Variants in FAM184A observed in about 807,000 individuals in gnomAD.
The protein encoded by FAM184A is family with sequence similarity 184 member A.
FAM184A carries 99 observed loss-of-function variants against 143.8 expected under a neutral mutation model. The observed-to-expected ratio is 0.69, with a 90% CI of 0.58 to 0.81. FAM184A has a LOEUF of 0.81. Ranked by LOEUF, FAM184A falls within the 40% of genes least tolerant of loss-of-function variation. The pLI is 0.00. For synonymous variants in FAM184A, 427 were observed against 446.4 expected (o/e 0.96, Z 0.55); for missense variants, 1,217 against 1,310.5 (o/e 0.93, Z 1.10).
intron 1 of FAM184A, among the ~76,000 whole-genome samples, chr6:119,122,887 TG>T (rs1056624419): frequency 5.4e-5 from 6 of 110,974 alleles, no homozygotes; most frequent in African/African-American, 1.9e-4. Context: ...ATCATGCCAC[TG>T]TACTCCAGCC....
chr6:119,109,648 C>T (rs2114846134), intron 1 of FAM184A, among the ~76,000 whole-genome samples: 1 of 152,318 alleles, frequency 6.6e-6, no homozygotes, highest in South Asian at 2.1e-4. Flanking sequence ...AACATTGTGG[C>T]AAAATCTGAC....
rs572504157 is a variant in FAM184A, at chr6:119,016,765, A to T, written c.1512T>A (p.Asp504Glu). ...TACTCACCATTTGCAGTTTTTTCTT[A>T]TCCCTAATTGCATTACTGTGGACAG... ...IEAVHSNAIRDKKKLQMDLEE... is the reference protein window; with the variant it reads ...IEAVHSNAIREKKKLQMDLEE... The change falls in exon 5 of 18, where the codon GAT (aspartate) becomes GAA (glutamate). Residue 504 changes from aspartate to glutamate, a missense_variant. Asp to Glu is a conservative substitution (Grantham distance 45, BLOSUM62 2). Coordinates refer to ENST00000338891, the MANE Select transcript of FAM184A (RefSeq NM_024581.6). The T allele has an allele frequency of 2.5e-6, 4 of 1,613,552 alleles. No homozygotes were observed. Among genetic ancestry groups the T allele is most frequent in the Non-Finnish European group, 3.4e-6 (4 of 1,179,798 alleles).
intron 9 of FAM184A, among the ~76,000 whole-genome samples, chr6:118,991,681 G>A (rs1582475310): frequency 6.7e-6 from 1 of 149,308 alleles, no homozygotes; most frequent in East Asian, 2.0e-4. Context: ...CTGGCTTAAG[G>A]TTTAGTAGGA....
intron 11 of FAM184A, among the ~76,000 whole-genome samples, chr6:118,979,035 G>A (rs561150008): frequency 1.3e-5 from 2 of 152,262 alleles, no homozygotes; most frequent in South Asian, 4.1e-4. Flanking sequence ...TGCAGTCTAA[G>A]GACATGTGGC....
Position 119,016,795 on chromosome 6 carries a change from A to G in FAM184A, c.1482T>C (p.Ile494=), listed in dbSNP as rs775803650. Residue 494 remains isoleucine, a synonymous_variant, in exon 5 of 18, where the codon ATT becomes ATC. Coordinates refer to ENST00000338891, the MANE Select transcript of FAM184A (RefSeq NM_024581.6). ...EELAWKHHMA[I]EAVHSNAIRD... ...TAATTGCATTACTGTGGACAGCTTC[A>G]ATTGCCATATGGTGCTTCCAAGCTA... 1 of 1,614,130 alleles carries G rather than the reference A, an allele frequency of 6.2e-7. No homozygotes were observed. Among genetic ancestry groups the G allele is most frequent in the Non-Finnish European group, 8.5e-7 (1 of 1,180,008 alleles).
chr6:119,045,585 CAGA>C (rs1028586126), intron 1 of FAM184A, among the ~76,000 whole-genome samples: 10 of 152,034 alleles, frequency 6.6e-5, no homozygotes, highest in Non-Finnish European at 1.5e-4. Flanking sequence ...TTGAAAGAGG[CAGA>C]AGAACAGTGG....
At chr6:118,964,840 A>G in intron 15 of FAM184A, 69 bp from the exon 16 acceptor site, 1 of 781,688 alleles carries the variant, frequency 1.3e-6, no homozygotes, top group East Asian at 2.7e-5. Context: ...TAAATGTATA[A>G]ACGCCATTTC....
chr6:119,117,295 T>G (rs1244277798), intron 1 of FAM184A, among the ~76,000 whole-genome samples: 2 of 152,176 alleles, frequency 1.3e-5, no homozygotes, highest in African/African-American at 2.4e-5. Flanking sequence ...TTGGTGACCA[T>G]GTACATAGTG....
At position 118,980,361 on chromosome 6, in the gene FAM184A, G is replaced by T. The variant is rs768487338; in HGVS notation, c.2089-11C>A. Reference sequence around the variant, plus strand: ...TTTCAGCAAGGAAATCTATGCCCCAGAATGGTACACAATGAAGAATAAATA... The same window carrying T: ...TTTCAGCAAGGAAATCTATGCCCCATAATGGTACACAATGAAGAATAAATA... On this transcript the variant is annotated splice_polypyrimidine_tract_variant and intron_variant, in intron 9 of 17. Transcript: ENST00000338891. 6.2e-7 allele frequency: 1 copy of T among 1,607,614 alleles called. No homozygotes were observed. The highest frequency in any genetic ancestry group is 1.1e-5 in the South Asian group (1 of 90,652).
intron 1 of FAM184A, among the ~76,000 whole-genome samples, chr6:119,087,821 A>G (rs944707371): frequency 6.6e-6 from 1 of 152,228 alleles, no homozygotes; most frequent in African/African-American, 2.4e-5. Flanking sequence ...AGCATTATTC[A>G]CAGAAGCCAA....
At chr6:119,010,220 G>A (rs536429405) in intron 6 of FAM184A, among the ~76,000 whole-genome samples, 12 of 152,246 alleles carry the variant, frequency 7.9e-5, no homozygotes, top group South Asian at 6.2e-4. Flanking sequence ...TCAACAATCC[G>A]TAGTTATCTG....
intron 1 of FAM184A, among the ~76,000 whole-genome samples, chr6:119,127,898 T>C (rs748331434): frequency 8.5e-5 from 13 of 152,222 alleles, no homozygotes; most frequent in Admixed American, 1.3e-4. Context: ...AAACACTGTG[T>C]TAAGCACTGA....
intron 11 of FAM184A, 31 bp downstream of exon 11, chr6:118,979,334 A>G (rs1264459567): frequency 1.3e-6 from 2 of 1,562,164 alleles, no homozygotes; most frequent in Non-Finnish European, 1.7e-6. Context: ...GTACATATGA[A>G]TATGACAAGA....
At chr6:119,118,106 T>C (rs2114857136) in intron 1 of FAM184A, among the ~76,000 whole-genome samples, 1 of 152,242 alleles carries the variant, frequency 6.6e-6, no homozygotes, top group South Asian at 2.1e-4. Flanking sequence ...CCTGCAGTTA[T>C]TAATTAAGCC....
intron 1 of FAM184A, among the ~76,000 whole-genome samples, chr6:119,034,982 C>T (rs1447476181): frequency 6.6e-6 from 1 of 152,108 alleles, no homozygotes; most frequent in Non-Finnish European, 1.5e-5. Flanking sequence ...TAGGAGGGCT[C>T]GCCTGAGTAA....
At position 118,960,770 on chromosome 6, in the gene FAM184A, G is replaced by A. The variant is rs767908902; in HGVS notation, c.3342-586C>T. The A allele has an allele frequency of 1.2e-5, 17 of 1,361,394 alleles. No individual in the cohort carries two copies. In the East Asian group the frequency reaches 5.5e-4, roughly 44 times the overall value. 84.3% of individuals were successfully genotyped at this position (1,361,394 alleles called of 1,614,324 possible). A position where few individuals can be genotyped will look rare whatever the true frequency, so the allele number is the denominator to read the frequency against. On this transcript the variant is annotated intron_variant, in intron 17 of 17. Coordinates refer to ENST00000338891, the MANE Select transcript of FAM184A (RefSeq NM_024581.6). ...TTAAGAAAACAAAAGAATCCCTACC[G>A]TCTTTGGGGAAAATTACAAGGCACG...
chr6:119,072,920 T>C (rs1046697257), intron 1 of FAM184A, among the ~76,000 whole-genome samples: 1 of 151,908 alleles, frequency 6.6e-6, no homozygotes, highest in Admixed American at 6.5e-5. Flanking sequence ...CTCTGCTGTA[T>C]AACAAAATTA....
At chr6:119,079,253 T>C (rs989191559), upstream of FAM184A, 2 of 151,896 alleles carry the variant, frequency 1.3e-5, no homozygotes, top group South Asian at 4.2e-4. Flanking sequence ...GTGCTGAGTG[T>C]ATGTGTGGAG....
intron 1 of FAM184A, among the ~76,000 whole-genome samples, chr6:119,108,744 G>T (rs893344696): frequency 1.3e-5 from 2 of 152,116 alleles, no homozygotes. Flanking sequence ...TGGCTCAGGA[G>T]CTGACACTCA....
Sources: allele counts gnomAD v4.1 joint callset (sites outside exome capture counted in the v4.1 genomes callset), GRCh38; gene constraint gnomAD v4.1.1; transcripts MANE v1.5; gene names NCBI Gene and HGNC (gene_info 2026-07-23, HGNC 2026-07-21).